WNT7B: variants seen among roughly 807,000 people sequenced by gnomAD.
WNT7B encodes the protein protein Wnt-7b.
In WNT7B, 19 loss-of-function variants were observed where a neutral mutation model predicts 38.2. That is an observed-to-expected ratio of 0.50 (90% CI 0.35 to 0.73). The LOEUF (loss-of-function observed/expected upper bound fraction) is 0.73, where lower values mean the gene tolerates loss of function less well. Among genes scored for constraint, WNT7B ranks in the 30% least tolerant of loss-of-function variants. The pLI is 0.01. For synonymous variants in WNT7B, 243 were observed against 209.3 expected (o/e 1.16, Z -1.39); for missense variants, 423 against 507.9 (o/e 0.83, Z 1.61).
In WNT7B at chr22:45,976,086, C is replaced by T. The variant is rs1488824629; in HGVS notation, c.71+598G>A. 1 of 145,358 alleles carries T rather than the reference C, an allele frequency of 6.9e-6. No homozygotes were observed. The highest frequency in any genetic ancestry group is 1.5e-5 in the Non-Finnish European group (1 of 65,308). 9.0% of individuals were successfully genotyped at this position (145,358 alleles called of 1,614,324 possible). ...GGCCCCGGGCGGGCGGGGCACGGGC[C>T]CCGGACCGAGCCCGAGGCGGCCCGG... On this transcript the variant is annotated intron_variant, in intron 1 of 3. Transcript: ENST00000339464. The surrounding 1 kb of genome is among the most constrained non-coding windows in gnomAD (Gnocchi z 8.5).
intron 3 of WNT7B, among the ~76,000 whole-genome samples, chr22:45,924,322 T>C (rs531873792): frequency 2.1e-4 from 32 of 152,214 alleles, no homozygotes; most frequent in African/African-American, 7.7e-4. Flanking sequence ...AATGAATGAA[T>C]GAATGAGTAC....
At chr22:45,926,200 C>T (rs920280171) in intron 3 of WNT7B, 21 of 985,302 alleles carry the variant, frequency 2.1e-5, no homozygotes, top group African/African-American at 1.9e-4. Flanking sequence ...AAGAATGTGC[C>T]GTTTCCTTCT....
rs1256769667 is a variant in WNT7B at position 45,976,264 on chromosome 22, A to G, written c.71+420T>C. Among the ~76,000 whole-genome samples the G allele has an allele frequency of 6.8e-6, 1 of 146,136 alleles. No homozygotes were observed. Among genetic ancestry groups the G allele is most frequent in the Non-Finnish European group, 1.5e-5 (1 of 65,764 alleles). ...GCCCCCCGCCCTCCCGGGCCTCCGC[A>G]GGCGCCGGACGCCCCCCGACCCCGC... On this transcript the variant is annotated intron_variant, in intron 1 of 3. Coordinates refer to ENST00000339464, the MANE Select transcript of WNT7B (RefSeq NM_058238.3). The surrounding 1 kb of genome is among the most constrained non-coding windows in gnomAD (Gnocchi z 8.5).
chr22:45,963,905 G>C (rs966456785), intron 1 of WNT7B, among the ~76,000 whole-genome samples: 1 of 152,064 alleles, frequency 6.6e-6, no homozygotes, highest in Non-Finnish European at 1.5e-5. Context: ...GATGCCAGAA[G>C]GAAATACAAG....
At position 45,976,806 on chromosome 22, in the gene WNT7B, C is replaced by G. The variant is rs1295228072; in HGVS notation, c.-52G>C. ...GACAGCGGCGGCCGGAGGGGACGCG[C>G]GGGCCCGGCAGGGCCGGGCAGGGGC... On this transcript the variant is annotated 5_prime_UTR_variant, in exon 1 of 4. Coordinates refer to ENST00000339464, the MANE Select transcript of WNT7B (RefSeq NM_058238.3). This position sits in a 1 kb window ranked among gnomAD's most constrained non-coding sequence, Gnocchi z 8.5. 1.4e-5 allele frequency: 22 copies of G among 1,544,488 alleles called. No homozygotes were observed. Among genetic ancestry groups the G allele is most frequent in the Admixed American group, 3.6e-5 (2 of 54,974 alleles).
rs56152359 is a variant in WNT7B at position 45,939,632 on chromosome 22, A to AACACACACACACACACACAC, written c.299-8264_299-8263insGTGTGTGTGTGTGTGTGTGT. Among the ~76,000 whole-genome samples the AACACACACACACACACACAC allele has an allele frequency of 1.5e-3, 219 of 144,872 alleles. 6 individuals are homozygous for AACACACACACACACACACAC. The highest frequency in any genetic ancestry group is 0.014 in the Middle Eastern group (4 of 292). On this transcript the variant is annotated intron_variant, in intron 2 of 3. Transcript: ENST00000339464. ...AACATGGCAAAACCCTGTCTCTACAAACACACACACACACACTCACACACA... is the reference window on the plus strand; with the variant it reads ...AACATGGCAAAACCCTGTCTCTACAAACACACACACACACACACACACACACACACACACACTCACACACA...
chr22:45,955,686 C>G (rs1343155070), intron 1 of WNT7B, among the ~76,000 whole-genome samples: 2 of 152,170 alleles, frequency 1.3e-5, no homozygotes, highest in Non-Finnish European at 2.9e-5. Context: ...GGCCTCGGGA[C>G]AGGCGAGATG....
chr22:45,931,295 G>A lies in WNT7B; in HGVS notation c.373C>T (p.Gln125Ter). The A allele has an allele frequency of 6.3e-7, 1 of 1,598,090 alleles. No homozygotes were observed. The highest frequency in any genetic ancestry group is 8.5e-7 in the Non-Finnish European group (1 of 1,179,434). The change falls in exon 3 of 4, where the codon CAA becomes TAA. Residue 125 changes from glutamine (Q) to a stop codon, truncating the protein, a stop_gained. Coordinates refer to ENST00000339464, the MANE Select transcript of WNT7B (RefSeq NM_058238.3). LOFTEE classifies it high-confidence loss of function. Reference protein sequence around the residue: ...VAHAVTAACSQGNLSNCGCDR... With the variant: ...VAHAVTAACS The stretch of plus-strand genomic sequence containing the variant: ...CAGCCGCAGTTGCTCAGGTTCCCTT[G>A]GCTGCAGGCAGCGGTGACGGCGTGC...
chr22:45,939,670 C>CACACAAAA, intron 2 of WNT7B, among the ~76,000 whole-genome samples: 1 of 151,606 alleles, frequency 6.6e-6, no homozygotes, highest in Middle Eastern at 3.4e-3. Context: ...CACACACACA[C>CACACAAAA]AAAAATAGCC....
In WNT7B at chr22:45,976,863, G is replaced by A; in HGVS notation, c.-109C>T. On this transcript the variant is annotated 5_prime_UTR_variant, in exon 1 of 4. Transcript: ENST00000339464. This position sits in a 1 kb window ranked among gnomAD's most constrained non-coding sequence, Gnocchi z 8.5. ...GCTGCGGGCAGACTGCGCTCAGCCC[G>A]CGCTGCGGCTCGGGCGGCCGGCGAC... is the stretch of plus-strand genomic sequence containing the variant. 2.8e-6 allele frequency: 3 copies of A among 1,059,662 alleles called. No homozygotes were observed. The highest frequency in any genetic ancestry group is 3.4e-6 in the Non-Finnish European group (3 of 871,160). 65.6% of individuals were successfully genotyped at this position (1,059,662 alleles called of 1,614,324 possible).
intron 1 of WNT7B, among the ~76,000 whole-genome samples, chr22:45,974,725 G>T (rs1244398657): frequency 2.6e-5 from 4 of 152,208 alleles, no homozygotes; most frequent in Non-Finnish European, 5.9e-5. Context: ...CTCCCAGAGG[G>T]AGGCTGACAC....
At chr22:45,952,541 G>A (rs1601732322) in intron 1 of WNT7B, among the ~76,000 whole-genome samples, 1 of 152,360 alleles carries the variant, frequency 6.6e-6, no homozygotes, top group East Asian at 1.9e-4. Context: ...CTGGGGAAAT[G>A]AGATGGATGG....
intron 1 of WNT7B, among the ~76,000 whole-genome samples, chr22:45,957,553 G>A (rs1932095077): frequency 6.6e-6 from 1 of 151,608 alleles, no homozygotes; most frequent in African/African-American, 2.4e-5. Context: ...GCATGGTGGT[G>A]CACGCCTGTG....
intron 3 of WNT7B, among the ~76,000 whole-genome samples, chr22:45,930,143 C>T (rs1234749056): frequency 6.6e-6 from 1 of 152,262 alleles, no homozygotes; most frequent in Non-Finnish European, 1.5e-5. Flanking sequence ...ACCAAGCCCT[C>T]ACCGTCCTGG....
Position 45,921,552 on chromosome 22 carries a change from G to A in WNT7B, c.*1304C>T, listed in dbSNP as rs1930928224. ...TCCTTGTGCCACTCTGGGCCTCAGA[G>A]TTCCCATCTGTCAAGTGGGACAAAC... On this transcript the variant is annotated 3_prime_UTR_variant, in exon 4 of 4. Transcript: ENST00000339464. 1 of 152,212 alleles carries A rather than the reference G, an allele frequency of 6.6e-6. No homozygotes were observed. Among genetic ancestry groups the A allele is most frequent in the African/African-American group, 2.4e-5 (1 of 41,434 alleles). The allele number at this position is 152,212 out of a possible 1,614,324, so 9.4% of individuals were successfully genotyped here. A position where few individuals can be genotyped will look rare whatever the true frequency, so the allele number is the denominator to read the frequency against.
chr22:45,920,500 G>A lies in WNT7B; in HGVS notation c.*2356C>T, dbSNP rs1177291360. 1.3e-5 allele frequency: 2 copies of A among 152,038 alleles called. No homozygotes were observed. Among genetic ancestry groups the A allele is most frequent in the Non-Finnish European group, 2.9e-5 (2 of 68,068 alleles). 9.4% of individuals were successfully genotyped at this position (152,038 alleles called of 1,614,324 possible). On this transcript the variant is annotated 3_prime_UTR_variant, in exon 4 of 4. Coordinates refer to ENST00000339464, the MANE Select transcript of WNT7B (RefSeq NM_058238.3). ...CTGACCCCCGTCTCACCCAGGCAAA[G>A]GGCCTGTTGCTGGCAGACTTTGGGG...
chr22:45,925,296 G>A lies in WNT7B; in HGVS notation c.571-1961C>T, dbSNP rs1931049692. The A allele has an allele frequency of 4.1e-6, 4 of 985,298 alleles. No individual in the cohort carries two copies. In the African/African-American group the frequency reaches 7.0e-5, roughly 17 times the overall value. The allele number at this position is 985,298 out of a possible 1,614,324, so 61.0% of individuals were successfully genotyped here. Reference sequence around the variant, plus strand: ...CGGGTGGGCCCTAGGCTGGCAGCCTGGAGCTGGGGTGTTTTCTGCTCTGCA... The same window carrying A: ...CGGGTGGGCCCTAGGCTGGCAGCCTAGAGCTGGGGTGTTTTCTGCTCTGCA... On this transcript the variant is annotated intron_variant, in intron 3 of 3. Transcript: ENST00000339464.
rs756323048 is a variant in WNT7B, at chr22:45,922,831, C to T, written c.*25G>A. 5.1e-6 allele frequency: 8 copies of T among 1,572,700 alleles called. No homozygotes were observed. The South Asian group carries it at 5.8e-5, about 11-fold the overall frequency. ...CAAAATGCCGCCGGGTTCCAGGGTG[C>T]CCGCGGCCGCCTCCGGGCCTGGCCT... On this transcript the variant is annotated 3_prime_UTR_variant, in exon 4 of 4. Coordinates refer to ENST00000339464, the MANE Select transcript of WNT7B (RefSeq NM_058238.3).
At chr22:45,935,893 G>C (rs1009711246) in intron 2 of WNT7B, 1 of 985,272 alleles carries the variant, frequency 1.0e-6, no homozygotes, top group African/African-American at 1.7e-5. Context: ...GATGAGGGCA[G>C]CACGGATGCT....
Sources: allele counts gnomAD v4.1 joint callset (sites outside exome capture counted in the v4.1 genomes callset), GRCh38; gene constraint gnomAD v4.1.1; non-coding constraint Gnocchi (gnomAD v3.1); transcripts MANE v1.5; gene names NCBI Gene and HGNC (gene_info 2026-07-23, HGNC 2026-07-21).